PTPRG: variants seen among roughly 807,000 people sequenced by gnomAD.
PTPRG encodes protein tyrosine phosphatase receptor type G.
A neutral mutation model predicts 165.3 loss-of-function variants in PTPRG; 102 were observed. That is an observed-to-expected ratio of 0.62 (90% confidence interval 0.53 to 0.73). The LOEUF (loss-of-function observed/expected upper bound fraction) is 0.73, where lower values mean the gene tolerates loss of function less well. PTPRG is among the 30% of genes least tolerant of loss of function. The probability of loss-of-function intolerance (pLI) is 0.00; values close to 1 mark genes in which losing one functional copy is unlikely to be tolerated. For synonymous variants in PTPRG, 675 were observed against 669.5 expected (o/e 1.01, Z -0.13); for missense variants, 1,866 against 1,861.4 (o/e 1.00, Z -0.05).
At chr3:62,071,062 A>G (rs1236250583) in intron 4 of PTPRG, among the ~76,000 whole-genome samples, 1 of 151,926 alleles carries the variant, frequency 6.6e-6, no homozygotes, top group African/African-American at 2.4e-5. Flanking sequence ...CGTCCTGTTT[A>G]CGTCTCATCT....
intron 1 of PTPRG, among the ~76,000 whole-genome samples, chr3:61,589,868 G>A (rs73838832): frequency 0.029 from 4,372 of 152,234 alleles, 189 homozygotes; most frequent in African/African-American, 0.096. Context: ...GAATATGGAT[G>A]TGTAGTCAGG....
At chr3:62,227,816 C>T (rs960919948) in intron 13 of PTPRG, among the ~76,000 whole-genome samples, 2 of 152,128 alleles carry the variant, frequency 1.3e-5, no homozygotes, top group Non-Finnish European at 2.9e-5. Context: ...AACTGGTGGC[C>T]TCCAGACCAA....
intron 1 of PTPRG, among the ~76,000 whole-genome samples, chr3:61,604,960 A>G (rs72890406): frequency 0.05 from 7,686 of 152,272 alleles, 234 homozygotes; most frequent in Middle Eastern, 0.065. Flanking sequence ...AGGGGAATAA[A>G]ATGAACTTTG....
intron 2 of PTPRG, among the ~76,000 whole-genome samples, chr3:61,898,502 C>G (rs2038419143): frequency 6.6e-6 from 1 of 152,132 alleles, no homozygotes; most frequent in Admixed American, 6.5e-5. Flanking sequence ...ATAATTTGGG[C>G]AAGAAAAGTT....
chr3:61,894,722 A>T (rs2038305444), intron 2 of PTPRG, among the ~76,000 whole-genome samples: 1 of 152,236 alleles, frequency 6.6e-6, no homozygotes, highest in East Asian at 1.9e-4. Flanking sequence ...AAACATGGTC[A>T]CAAAGAAAAC....
intron 2 of PTPRG, among the ~76,000 whole-genome samples, chr3:61,909,785 A>G (rs2038755306): frequency 6.6e-6 from 1 of 152,250 alleles, no homozygotes. Context: ...TGTTAGAGAA[A>G]TCGAATTGCT....
At chr3:61,817,291 A>AT (rs60676740) in intron 2 of PTPRG, among the ~76,000 whole-genome samples, 48,433 of 142,100 alleles carry the variant, frequency 0.34, 9,967 homozygotes, top group East Asian at 0.57. Context: ...AATCACTGAA[A>AT]TTTTTTTTTA....
intron 2 of PTPRG, among the ~76,000 whole-genome samples, chr3:61,915,284 T>G (rs2038907189): frequency 1.3e-5 from 2 of 152,210 alleles, no homozygotes; most frequent in Admixed American, 1.3e-4. Context: ...GAAACTTATC[T>G]TAAGATAAAT....
intron 8 of PTPRG, among the ~76,000 whole-genome samples, chr3:62,182,671 G>GTTTA (rs1291822720): frequency 1.3e-5 from 2 of 152,186 alleles, no homozygotes; most frequent in Non-Finnish European, 2.9e-5. Flanking sequence ...TTGTTTGTTT[G>GTTTA]TTTGTTTGAG....
chr3:61,911,964 C>T (rs1341561635), intron 2 of PTPRG, among the ~76,000 whole-genome samples: 1 of 152,112 alleles, frequency 6.6e-6, no homozygotes, highest in Non-Finnish European at 1.5e-5. Flanking sequence ...GTGTATTTTT[C>T]ACCAGGATGA....
intron 1 of PTPRG, among the ~76,000 whole-genome samples, chr3:61,640,450 G>A (rs2106951300): frequency 6.6e-6 from 1 of 152,266 alleles, no homozygotes; most frequent in South Asian, 2.1e-4. Flanking sequence ...AACACAACTT[G>A]TAGAACATAA....
At chr3:61,932,428 T>G (rs1257678322) in intron 2 of PTPRG, among the ~76,000 whole-genome samples, 3 of 152,232 alleles carry the variant, frequency 2.0e-5, no homozygotes, top group Non-Finnish European at 4.4e-5. Flanking sequence ...TGTAGGAGAC[T>G]ATGAATACTT....
Position 62,174,027 on chromosome 3 carries a change from G to C in PTPRG, c.1033+5864G>C, listed in dbSNP as rs1705321552. ...ATGGAAACAATATTTAGGCTTATTG[G>C]ATTGTTCAAGGGACATCCGATTTGC... On this transcript the variant is annotated intron_variant, in intron 8 of 29. Coordinates refer to ENST00000474889, the MANE Select transcript of PTPRG (RefSeq NM_002841.4). Among the ~76,000 whole-genome samples, 4 of 152,312 alleles carry C rather than the reference G, an allele frequency of 2.6e-5. No homozygotes were observed. The South Asian group carries it at 8.3e-4, about 32-fold the overall frequency.
At chr3:61,782,429 G>A (rs2034572299) in intron 2 of PTPRG, among the ~76,000 whole-genome samples, 1 of 152,208 alleles carries the variant, frequency 6.6e-6, no homozygotes, top group African/African-American at 2.4e-5. Flanking sequence ...TAAATTGAGT[G>A]TGAACCATCA....
At chr3:61,678,127 GT>G (rs988679481) in intron 1 of PTPRG, among the ~76,000 whole-genome samples, 2 of 152,118 alleles carry the variant, frequency 1.3e-5, no homozygotes, top group Admixed American at 6.6e-5. Flanking sequence ...AGCTCAGCTC[GT>G]GCTGTTTCCA....
At chr3:62,204,263 A>G (rs921952680) in intron 12 of PTPRG, among the ~76,000 whole-genome samples, 2 of 152,198 alleles carry the variant, frequency 1.3e-5, no homozygotes, top group Admixed American at 1.3e-4. Context: ...TAAGAAGTTT[A>G]TTTATTAAGA....
chr3:62,135,619 A>G (rs1576046898), intron 6 of PTPRG, among the ~76,000 whole-genome samples: 1 of 152,160 alleles, frequency 6.6e-6, no homozygotes, highest in East Asian at 1.9e-4. Flanking sequence ...TGTATTTGGC[A>G]GTTGGTCATT....
intron 2 of PTPRG, among the ~76,000 whole-genome samples, chr3:61,805,355 C>T (rs1448060404): frequency 6.6e-6 from 1 of 152,076 alleles, no homozygotes; most frequent in Non-Finnish European, 1.5e-5. Context: ...GGTTAAGAAA[C>T]CCTCCCATAA....
At chr3:61,604,702 A>G (rs1178437636) in intron 1 of PTPRG, among the ~76,000 whole-genome samples, 1 of 152,076 alleles carries the variant, frequency 6.6e-6, no homozygotes, top group Non-Finnish European at 1.5e-5. Flanking sequence ...GACCTTTTGT[A>G]TTGTAACACT....
Sources: gnomAD v4.1 joint callset for allele counts (sites outside exome capture counted in the v4.1 genomes callset) on GRCh38, gnomAD v4.1.1 for gene constraint, MANE v1.5 for transcripts, NCBI Gene and HGNC (gene_info 2026-07-23, HGNC 2026-07-21) for gene names.